TENM2: variants seen among roughly 807,000 people sequenced by gnomAD.
TENM2 encodes the protein teneurin-2.
A neutral mutation model predicts 245.2 loss-of-function variants in TENM2; 52 were observed. The ratio of observed to expected loss-of-function variants is 0.21; its 90% CI spans 0.17 to 0.27. TENM2 has a LOEUF of 0.27. Ranked by LOEUF, TENM2 falls within the 10% of genes least tolerant of loss-of-function variation. The pLI, the probability that TENM2 is intolerant of heterozygous loss-of-function variation, is 1.00. For missense variants in TENM2, 3,046 were observed against 3,666.8 expected (o/e 0.83, Z 4.37); for synonymous variants, 1,363 against 1,438.9 (o/e 0.95, Z 1.19).
At chr5:167,462,860 G>T (rs770906823) in intron 2 of TENM2, among the ~76,000 whole-genome samples, 1 of 152,106 alleles carries the variant, frequency 6.6e-6, no homozygotes, top group South Asian at 2.1e-4. Context: ...AGGCTGGAGG[G>T]TGGAGCGTTT....
chr5:167,029,571 G>A, the TENM2 span, among the ~76,000 whole-genome samples: 3 of 152,106 alleles, frequency 2.0e-5, no homozygotes, highest in East Asian at 1.9e-4. Flanking sequence ...TGGCTCCATT[G>A]CTTTCTAAGT....
At chr5:167,469,354 T>A (rs374101054) in intron 2 of TENM2, among the ~76,000 whole-genome samples, 35 of 152,272 alleles carry the variant, frequency 2.3e-4, no homozygotes, top group African/African-American at 7.7e-4. Flanking sequence ...AGACTATTTG[T>A]TTTTTAATTA....
chr5:167,906,530 G>C (rs1467686785), intron 3 of TENM2, among the ~76,000 whole-genome samples: 1 of 152,074 alleles, frequency 6.6e-6, no homozygotes, highest in Non-Finnish European at 1.5e-5. Context: ...AACTACTCAA[G>C]GTCAGCATTT....
intron 12 of TENM2, among the ~76,000 whole-genome samples, chr5:168,140,530 A>G (rs1204067347): frequency 6.6e-6 from 1 of 152,002 alleles, no homozygotes; most frequent in Non-Finnish European, 1.5e-5. Flanking sequence ...GTATGAGTGT[A>G]TACACGTCTG....
chr5:168,235,534 G>C (rs948309432), intron 25 of TENM2, among the ~76,000 whole-genome samples: 1 of 151,786 alleles, frequency 6.6e-6, no homozygotes, highest in African/African-American at 2.4e-5. Flanking sequence ...AGAAATTGTG[G>C]GCTGGGCACA....
intron 2 of TENM2, among the ~76,000 whole-genome samples, chr5:167,844,715 T>C (rs1769866884): frequency 1.3e-5 from 2 of 152,176 alleles, no homozygotes. Flanking sequence ...CTCATGTGCA[T>C]AAGCTCTCCT....
intron 2 of TENM2, among the ~76,000 whole-genome samples, chr5:167,392,509 CTG>C (rs1359143192): frequency 6.6e-6 from 1 of 152,160 alleles, no homozygotes; most frequent in Admixed American, 6.5e-5. Flanking sequence ...CGGTTTTCTC[CTG>C]CCGTCAGCAT....
At chr5:168,090,499 TC>T (rs1792843695) in intron 7 of TENM2, 74 bp from the exon 10 acceptor site, 4 of 1,352,470 alleles carry the variant, frequency 3.0e-6, no homozygotes, top group African/African-American at 1.5e-5. Context: ...ACAAATGGGT[TC>T]GGGGGGAAGG....
chr5:167,950,142 G>C (rs1057383342), intron 3 of TENM2, among the ~76,000 whole-genome samples: 1 of 152,152 alleles, frequency 6.6e-6, no homozygotes, highest in African/African-American at 2.4e-5. Context: ...AATGAAAAGA[G>C]AACTTGACCT....
intron 2 of TENM2, among the ~76,000 whole-genome samples, chr5:167,414,149 T>G (rs963069639): frequency 6.6e-6 from 1 of 152,126 alleles, no homozygotes; most frequent in Non-Finnish European, 1.5e-5. Context: ...TCATTTTCTC[T>G]TTTAACAGAG....
chr5:166,993,073 C>G, the TENM2 span, among the ~76,000 whole-genome samples: 1 of 151,890 alleles, frequency 6.6e-6, no homozygotes, highest in South Asian at 2.1e-4. Flanking sequence ...TGTAGGCTAT[C>G]TTTAGGCTTG....
intron 1 of TENM2, among the ~76,000 whole-genome samples, chr5:167,298,735 A>T (rs1227475133): frequency 6.6e-6 from 1 of 152,276 alleles, no homozygotes; most frequent in Admixed American, 6.5e-5. Context: ...GATTCAGCAT[A>T]GTCCTGCCAG....
intron 3 of TENM2, among the ~76,000 whole-genome samples, chr5:167,928,422 G>C (rs573422350): frequency 8.5e-5 from 13 of 152,278 alleles, no homozygotes; most frequent in Admixed American, 6.5e-4. Flanking sequence ...ACGTATCCCA[G>C]GCACCATGAT....
At chr5:168,055,684 C>T (rs941013511) in intron 6 of TENM2, among the ~76,000 whole-genome samples, 1 of 152,126 alleles carries the variant, frequency 6.6e-6, no homozygotes, top group Non-Finnish European at 1.5e-5. Flanking sequence ...ATTCACCCCC[C>T]GCAACTGAAA....
At chr5:167,944,600 T>G (rs927087367) in intron 3 of TENM2, among the ~76,000 whole-genome samples, 1 of 152,194 alleles carries the variant, frequency 6.6e-6, no homozygotes, top group African/African-American at 2.4e-5. Flanking sequence ...GAATTGCCAT[T>G]TCCATGAAAT....
At chr5:167,746,028 AT>A (rs1353646582) in intron 2 of TENM2, among the ~76,000 whole-genome samples, 1 of 152,166 alleles carries the variant, frequency 6.6e-6, no homozygotes, top group African/African-American at 2.4e-5. Flanking sequence ...AACTATGCTA[AT>A]CACTTTAAAC....
intron 2 of TENM2, among the ~76,000 whole-genome samples, chr5:167,704,681 G>C (rs1758387161): frequency 6.6e-6 from 1 of 152,186 alleles, no homozygotes; most frequent in Admixed American, 6.6e-5. Context: ...GAGTGACTTT[G>C]AGTTGCAGTA....
At chr5:167,277,828 TC>T in the TENM2 span, among the ~76,000 whole-genome samples, 1 of 152,214 alleles carries the variant, frequency 6.6e-6, no homozygotes, top group African/African-American at 2.4e-5. Context: ...CATGTCCATG[TC>T]CTCTTGGAAG....
At chr5:167,090,105 T>C in the TENM2 span, among the ~76,000 whole-genome samples, 1 of 152,156 alleles carries the variant, frequency 6.6e-6, no homozygotes, top group African/African-American at 2.4e-5. Context: ...CTTATTTTTC[T>C]TTTCTTTTTT....
Sources: gnomAD v4.1 joint callset for allele counts (sites outside exome capture counted in the v4.1 genomes callset) on GRCh38, gnomAD v4.1.1 for gene constraint, MANE v1.5 for transcripts, NCBI Gene and HGNC (gene_info 2026-07-23, HGNC 2026-07-21) for gene names.